KCNIP3: variants seen among roughly 807,000 people sequenced by gnomAD.
KCNIP3 encodes potassium voltage-gated channel interacting protein 3.
A neutral mutation model predicts 35.0 loss-of-function variants in KCNIP3; 28 were observed. That is an observed-to-expected ratio of 0.80 (90% CI 0.59 to 1.10). The LOEUF (loss-of-function observed/expected upper bound fraction) is 1.10, where lower values mean the gene tolerates loss of function less well. Ranked by LOEUF, KCNIP3 falls within the 50% of genes least tolerant of loss-of-function variation. The pLI is 0.00. For synonymous variants in KCNIP3, 134 were observed against 133.8 expected, an observed-to-expected ratio of 1.00 and a Z score of -0.01; for missense variants, 295 against 338.4, an observed-to-expected ratio of 0.87 and a Z score of 1.01.
chr2:95,324,550 A>AAATAAATAAAT (rs1352630900), intron 2 of KCNIP3, among the ~76,000 whole-genome samples: 1 of 151,246 alleles, frequency 6.6e-6, no homozygotes, highest in Non-Finnish European at 1.5e-5. Context: ...ATAAATAAAT[A>AAATAAATAAAT]AATAAAAATA....
intron 1 of KCNIP3, chr2:95,298,663 C>G (rs1171547405): frequency 6.6e-6 from 1 of 152,242 alleles, no homozygotes; most frequent in Non-Finnish European, 1.5e-5. Flanking sequence ...CTCCCTTGTG[C>G]TATCTGCTCC....
At chr2:95,360,688 T>G (rs1413300360) in intron 2 of KCNIP3, among the ~76,000 whole-genome samples, 1 of 152,168 alleles carries the variant, frequency 6.6e-6, no homozygotes, top group Admixed American at 6.5e-5. Context: ...GCTTGGCATC[T>G]GGGGATGGCC....
At chr2:95,360,720 A>G (rs1210397879) in intron 2 of KCNIP3, among the ~76,000 whole-genome samples, 1 of 152,198 alleles carries the variant, frequency 6.6e-6, no homozygotes. Flanking sequence ...TCATCATTCC[A>G]TGGCGAAGAA....
At position 95,382,508 on chromosome 2, in the gene KCNIP3, GA is replaced by G; in HGVS notation, c.660+28del. On this transcript the variant is annotated intron_variant, in intron 7 of 8. Transcript: ENST00000295225. The surrounding 1 kb of genome is among the most constrained non-coding windows in gnomAD (Gnocchi z 4.5). ...TGAGCGAGCGCCAGCCCTGCCTAGG[GA>G]GGGGAGCCTGGCAGAGGAAGGGGCT... 2.0e-6 allele frequency: 3 copies of G among 1,537,166 alleles called. No individual in the cohort carries two copies. Among genetic ancestry groups the G allele is most frequent in the Admixed American group, 1.9e-5 (1 of 53,006 alleles).
chr2:95,314,850 G>C (rs563142278), intron 2 of KCNIP3, among the ~76,000 whole-genome samples: 4 of 152,360 alleles, frequency 2.6e-5, no homozygotes, highest in African/African-American at 9.6e-5. Flanking sequence ...AGGGGCCTTT[G>C]CGTGTTTTCC....
At chr2:95,310,001 G>A (rs1379162960) in intron 1 of KCNIP3, among the ~76,000 whole-genome samples, 1 of 152,216 alleles carries the variant, frequency 6.6e-6, no homozygotes, top group Non-Finnish European at 1.5e-5. Flanking sequence ...GCAGATGAGG[G>A]ATTGGGATCG....
At position 95,378,142 on chromosome 2, in the gene KCNIP3, AT is replaced by A. The variant is rs112770984; in HGVS notation, c.447+2942del. Among the ~76,000 whole-genome samples the A allele has an allele frequency of 2.0e-5, 3 of 151,738 alleles. No homozygotes were observed. The highest frequency in any genetic ancestry group is 2.9e-5 in the Non-Finnish European group (2 of 67,928). Reference sequence around the variant, plus strand: ...TGTTTCTCCTTGTTTTTTAATTTTTATTTTTTTTGTTTTATTTTTAGACAGG... The same window carrying A: ...TGTTTCTCCTTGTTTTTTAATTTTTATTTTTTTGTTTTATTTTTAGACAGG... On this transcript the variant is annotated intron_variant, in intron 5 of 8. Transcript: ENST00000295225. The surrounding 1 kb of genome is among the most constrained non-coding windows in gnomAD (Gnocchi z 4.0).
At chr2:95,370,307 A>G (rs1304254973) in intron 2 of KCNIP3, among the ~76,000 whole-genome samples, 1 of 152,228 alleles carries the variant, frequency 6.6e-6, no homozygotes, top group African/African-American at 2.4e-5. Flanking sequence ...ATCTTCACAG[A>G]CTTTATTTTA....
chr2:95,365,447 C>G (rs1679894053), intron 2 of KCNIP3, among the ~76,000 whole-genome samples: 1 of 152,178 alleles, frequency 6.6e-6, no homozygotes, highest in South Asian at 2.1e-4. Context: ...CAGGCATGAG[C>G]CACCGCACTT....
chr2:95,309,086 G>A (rs1361875024), intron 1 of KCNIP3, among the ~76,000 whole-genome samples: 2 of 152,124 alleles, frequency 1.3e-5, no homozygotes, highest in Admixed American at 6.5e-5. Flanking sequence ...CAGGCAGTGC[G>A]TCACAGACAA....
At chr2:95,336,270 C>T (rs540176446) in intron 2 of KCNIP3, among the ~76,000 whole-genome samples, 1 of 152,318 alleles carries the variant, frequency 6.6e-6, no homozygotes, top group South Asian at 2.1e-4. Context: ...AGGCAACAGC[C>T]CTCAATAAGA....
rs1293310497 is a variant in KCNIP3, at chr2:95,381,711, G to T, written c.555+8G>T. The T allele has an allele frequency of 1.3e-5, 21 of 1,587,788 alleles. No individual in the cohort carries two copies. The highest frequency in any genetic ancestry group is 1.8e-5 in the Non-Finnish European group (21 of 1,156,576). On this transcript the variant is annotated splice_region_variant and intron_variant, in intron 6 of 8. Transcript: ENST00000295225. ...GGCTACATCACCAAAGAGGTAGTAGGGGGCTGGGGGCAGGGATTGTCCCCT... is the reference window on the plus strand; with the variant it reads ...GGCTACATCACCAAAGAGGTAGTAGTGGGCTGGGGGCAGGGATTGTCCCCT...
chr2:95,310,200 G>A, intron 1 of KCNIP3, 155 bp from the exon 2 acceptor site: 1 of 853,704 alleles, frequency 1.2e-6, no homozygotes, highest in African/African-American at 1.7e-5. Flanking sequence ...GGCAGGAATG[G>A]CCAGGACAAG....
chr2:95,355,181 C>G (rs1258783644), intron 2 of KCNIP3: 1 of 152,186 alleles, frequency 6.6e-6, no homozygotes, highest in Non-Finnish European at 1.5e-5. Flanking sequence ...GTCCCAGCCT[C>G]TTACAGGACA....
chr2:95,375,644 G>A (rs527718217), intron 5 of KCNIP3, among the ~76,000 whole-genome samples: 68 of 152,252 alleles, frequency 4.5e-4, no homozygotes, highest in African/African-American at 1.4e-3. Context: ...CATCCCAGCC[G>A]GAGCAGCCTC....
chr2:95,342,107 T>C (rs1358290049), intron 2 of KCNIP3, among the ~76,000 whole-genome samples: 5 of 151,922 alleles, frequency 3.3e-5, no homozygotes, highest in Admixed American at 2.0e-4. Flanking sequence ...GCGAAGACCC[T>C]GAGATGAGAG....
rs1207342645 is a variant in KCNIP3, at chr2:95,376,357, A to C, written c.447+1149A>C. On this transcript the variant is annotated intron_variant, in intron 5 of 8. Coordinates refer to ENST00000295225, the MANE Select transcript of KCNIP3 (RefSeq NM_013434.5). This position sits in a 1 kb window ranked among gnomAD's most constrained non-coding sequence, Gnocchi z 4.2. Reference sequence around the variant, plus strand: ...TGCGAGTGGTTTTTCTTGTTCAGGAATGAGATGACTGAGAGGCTCGGCAGA... The same window carrying C: ...TGCGAGTGGTTTTTCTTGTTCAGGACTGAGATGACTGAGAGGCTCGGCAGA... Among the ~76,000 whole-genome samples, 1 of 152,200 alleles carries C rather than the reference A, an allele frequency of 6.6e-6. No individual in the cohort carries two copies. Among genetic ancestry groups the C allele is most frequent in the Non-Finnish European group, 1.5e-5 (1 of 68,024 alleles).
In KCNIP3 at chr2:95,377,638, A is replaced by C. The variant is rs1282576457; in HGVS notation, c.447+2430A>C. On this transcript the variant is annotated intron_variant, in intron 5 of 8. Transcript: ENST00000295225. The surrounding 1 kb of genome is among the most constrained non-coding windows in gnomAD (Gnocchi z 4.7). ...TGGAGTTACAACTTGCCATGGTTGC[A>C]CTGTGTATGGCCAAGGAATTTAGAA... 6.6e-6 allele frequency among the ~76,000 whole-genome samples: 1 copy of C among 152,244 alleles called. No individual in the cohort carries two copies. Among genetic ancestry groups the C allele is most frequent in the Non-Finnish European group, 1.5e-5 (1 of 68,036 alleles).
chr2:95,375,220 C>T lies in KCNIP3; in HGVS notation c.447+12C>T, dbSNP rs202239891. 6.8e-6 allele frequency: 11 copies of T among 1,612,634 alleles called. No individual in the cohort carries two copies. The highest frequency in any genetic ancestry group is 1.1e-5 in the South Asian group (1 of 91,050). On this transcript the variant is annotated intron_variant, in intron 5 of 8. Coordinates refer to ENST00000295225, the MANE Select transcript of KCNIP3 (RefSeq NM_013434.5). ...CCATCCACTTTGAGGTAGGTCCTCGCGGATTCCTCCCACGTGTCCTGCCCC... is the reference window on the plus strand; with the variant it reads ...CCATCCACTTTGAGGTAGGTCCTCGTGGATTCCTCCCACGTGTCCTGCCCC...
Sources: gnomAD v4.1 joint callset for allele counts (sites outside exome capture counted in the v4.1 genomes callset) on GRCh38, gnomAD v4.1.1 for gene constraint, Gnocchi (gnomAD v3.1) non-coding constraint, MANE v1.5 for transcripts, NCBI Gene and HGNC (gene_info 2026-07-23, HGNC 2026-07-21) for gene names.